FER: variants seen among roughly 807,000 people sequenced by gnomAD.
FER encodes FER tyrosine kinase.
Under a neutral mutation model 111.0 loss-of-function variants are expected in FER, and 63 were observed. The observed-to-expected ratio is 0.57, with a 90% CI of 0.46 to 0.70. The LOEUF (loss-of-function observed/expected upper bound fraction) is 0.70. Among genes scored for constraint, FER ranks in the 30% least tolerant of loss-of-function variants. FER has a pLI of 0.00. For synonymous variants in FER, 327 were observed against 313.9 expected (o/e 1.04, Z -0.44); for missense variants, 914 against 954.0 (o/e 0.96, Z 0.55).
chr5:108,900,885 G>C (rs1177123500), intron 10 of FER, among the ~76,000 whole-genome samples: 1 of 152,148 alleles, frequency 6.6e-6, no homozygotes, highest in Non-Finnish European at 1.5e-5. Context: ...GAGTCAATGA[G>C]AGTTAAAGCT....
intron 17 of FER, among the ~76,000 whole-genome samples, chr5:109,125,375 C>A (rs1561927280): frequency 6.6e-6 from 1 of 152,066 alleles, no homozygotes; most frequent in Non-Finnish European, 1.5e-5. Flanking sequence ...AATATTTTAT[C>A]TATTTATGTA....
chr5:109,063,457 A>G (rs979803235), intron 16 of FER, among the ~76,000 whole-genome samples: 1 of 152,334 alleles, frequency 6.6e-6, no homozygotes, highest in Middle Eastern at 3.4e-3. Context: ...TGATAAATGT[A>G]GAAAGGATAA....
chr5:109,071,317 TTGTC>T (rs1308178273), intron 16 of FER, among the ~76,000 whole-genome samples: 2 of 152,018 alleles, frequency 1.3e-5, no homozygotes, highest in Non-Finnish European at 2.9e-5. Context: ...TGATCGGAGT[TTGTC>T]TGAATTTTTT....
chr5:108,834,952 A>G (rs76379925), intron 4 of FER, among the ~76,000 whole-genome samples: 9 of 152,052 alleles, frequency 5.9e-5, no homozygotes, highest in Non-Finnish European at 1.2e-4. Context: ...CTCTTTCTTA[A>G]TCTTCTCAAA....
intron 16 of FER, among the ~76,000 whole-genome samples, chr5:109,094,843 C>T (rs561962738): frequency 1.3e-5 from 2 of 152,202 alleles, no homozygotes; most frequent in African/African-American, 2.4e-5. Context: ...GTTCCCTCAT[C>T]GGTAATATGA....
At chr5:108,955,881 C>T (rs866934159) in intron 12 of FER, among the ~76,000 whole-genome samples, 8 of 151,580 alleles carry the variant, frequency 5.3e-5, no homozygotes, top group South Asian at 2.1e-4. Context: ...ATATATAAAA[C>T]GTATCTTTGA....
chr5:109,044,313 G>T (rs530141858), intron 14 of FER, among the ~76,000 whole-genome samples: 1 of 151,624 alleles, frequency 6.6e-6, no homozygotes, highest in African/African-American at 2.4e-5. Context: ...CAAGTAGCTG[G>T]GACTACAGGC....
intron 13 of FER, among the ~76,000 whole-genome samples, chr5:108,995,974 G>T (rs1475321677): frequency 1.3e-5 from 2 of 152,108 alleles, no homozygotes; most frequent in South Asian, 2.1e-4. Context: ...GGTGTGAGAT[G>T]GTATCTCTTT....
intron 17 of FER, among the ~76,000 whole-genome samples, chr5:109,139,164 A>G (rs1003546821): frequency 6.6e-5 from 10 of 152,100 alleles, no homozygotes; most frequent in Non-Finnish European, 1.3e-4. Flanking sequence ...AGCGGAGCTA[A>G]GTGATTCAAG....
chr5:108,859,920 CTATTATTATTAT>C (rs202162884), intron 5 of FER, among the ~76,000 whole-genome samples: 5 of 141,596 alleles, frequency 3.5e-5, no homozygotes, highest in South Asian at 4.6e-4. Flanking sequence ...ATGTATATAC[CTATTATTATTAT>C]TATTATTATT....
rs140632908 is a variant in FER at position 108,779,298 on chromosome 5, G to A, written c.-60+11060G>A. 5.3e-4 allele frequency among the ~76,000 whole-genome samples: 80 copies of A among 151,518 alleles called. 1 individual carries two copies. The highest frequency in any genetic ancestry group is 3.4e-3 in the Admixed American group (51 of 15,192). ...CTGTGTTGGCTATTCTGGGTCTTTT[G>A]CCAGCATCTATTTACTGATCTACAC... On this transcript the variant is annotated intron_variant, in intron 2 of 19. Transcript: ENST00000281092.
At chr5:108,748,781 A>C (rs1218804850) in intron 1 of FER, 1 of 152,312 alleles carries the variant, frequency 6.6e-6, no homozygotes, top group Non-Finnish European at 1.5e-5. Context: ...GCCTCCTGGG[A>C]GGTAGTGGAG....
chr5:108,811,757 C>T (rs1442977165), intron 3 of FER, among the ~76,000 whole-genome samples: 1 of 152,118 alleles, frequency 6.6e-6, no homozygotes, highest in Admixed American at 6.5e-5. Context: ...AGAGGTACCT[C>T]CTGTGTAAAT....
chr5:109,157,802 A>G (rs1423576834), intron 17 of FER, among the ~76,000 whole-genome samples: 2 of 152,068 alleles, frequency 1.3e-5, no homozygotes, highest in East Asian at 3.9e-4. Context: ...TATTCAGCAA[A>G]CATGTATTGA....
At chr5:109,166,510 TAATC>T (rs987348674) in intron 17 of FER, among the ~76,000 whole-genome samples, 5 of 152,310 alleles carry the variant, frequency 3.3e-5, no homozygotes, top group African/African-American at 1.2e-4. Flanking sequence ...TTTGCACTAT[TAATC>T]AATCTGTTGT....
At chr5:108,834,027 C>T (rs1760340878) in intron 4 of FER, among the ~76,000 whole-genome samples, 1 of 151,926 alleles carries the variant, frequency 6.6e-6, no homozygotes, top group African/African-American at 2.4e-5. Flanking sequence ...CCATCTATAC[C>T]TTGCATTTGA....
chr5:108,812,992 C>T (rs999475665), intron 3 of FER, among the ~76,000 whole-genome samples: 1 of 151,920 alleles, frequency 6.6e-6, no homozygotes, highest in Non-Finnish European at 1.5e-5. Context: ...TATATTTGCT[C>T]ATTGAGTTAC....
intron 13 of FER, among the ~76,000 whole-genome samples, chr5:108,987,506 G>T (rs773321381): frequency 6.6e-6 from 1 of 152,030 alleles, no homozygotes; most frequent in East Asian, 1.9e-4. Context: ...TCACCTCAGT[G>T]GTTAGGTATA....
chr5:109,108,881 G>A (rs995417611), intron 17 of FER, among the ~76,000 whole-genome samples: 3 of 152,070 alleles, frequency 2.0e-5, no homozygotes, highest in African/African-American at 4.8e-5. Flanking sequence ...AACTCTAGCT[G>A]GACATTGACT....
Sources: gnomAD v4.1 joint callset for allele counts (sites outside exome capture counted in the v4.1 genomes callset) on GRCh38, gnomAD v4.1.1 for gene constraint, MANE v1.5 for transcripts, NCBI Gene and HGNC (gene_info 2026-07-23, HGNC 2026-07-21) for gene names.